The following PEAK1 variants were observed in gnomAD, a reference collection of about 807,000 sequenced individuals.
PEAK1 encodes the protein inactive tyrosine-protein kinase PEAK1.
A neutral mutation model predicts 124.7 loss-of-function variants in PEAK1; 54 were observed. The ratio of observed to expected loss-of-function variants is 0.43; its 90% confidence interval spans 0.35 to 0.54. The LOEUF (loss-of-function observed/expected upper bound fraction) is 0.54, where lower values mean the gene tolerates loss of function less well. Ranked by LOEUF, PEAK1 falls within the 20% of genes least tolerant of loss-of-function variation. The probability of loss-of-function intolerance (pLI) is 0.01; values close to 1 mark genes in which losing one functional copy is unlikely to be tolerated. For synonymous variants in PEAK1, 719 were observed against 760.0 expected (o/e 0.95, Z 0.89); for missense variants, 2,046 against 2,134.5 (o/e 0.96, Z 0.82).
downstream of PEAK1, chr15:77,105,365 T>TGC (rs1350496114): frequency 5.4e-5 from 8 of 147,172 alleles, no homozygotes; most frequent in African/African-American, 2.0e-4. Flanking sequence ...TGTGCGCGCG[T>TGC]GCGCGCACAT....
intron 2 of PEAK1, among the ~76,000 whole-genome samples, chr15:77,330,585 A>G (rs1235059590): frequency 6.6e-6 from 1 of 152,144 alleles, no homozygotes; most frequent in Non-Finnish European, 1.5e-5. Context: ...GTGCTGGTTA[A>G]GCTGACCTCC....
chr15:77,286,366 A>G, intron 3 of PEAK1, 57 bp downstream of exon 3: 1 of 955,528 alleles, frequency 1.0e-6, no homozygotes, highest in East Asian at 3.3e-5. Flanking sequence ...GGAGATTAAT[A>G]AAAGAGATTT....
At chr15:77,103,179 A>C (rs2050712182), downstream of PEAK1, 1 of 152,114 alleles carries the variant, frequency 6.6e-6, no homozygotes, top group Non-Finnish European at 1.5e-5. Context: ...TTGAGACAGG[A>C]TCTCACTTTG....
chr15:77,378,935 T>C (rs758960222), intron 1 of PEAK1, among the ~76,000 whole-genome samples: 1 of 152,190 alleles, frequency 6.6e-6, no homozygotes, highest in Non-Finnish European at 1.5e-5. Context: ...CCGAGGATTT[T>C]GCTCGCCACC....
At chr15:77,325,314 G>A (rs1175062331) in intron 2 of PEAK1, among the ~76,000 whole-genome samples, 1 of 152,090 alleles carries the variant, frequency 6.6e-6, no homozygotes, top group East Asian at 1.9e-4. Context: ...GGAGGCTGAG[G>A]TGGGAGGACA....
At chr15:77,276,707 T>C (rs1014091452) in intron 5 of PEAK1, among the ~76,000 whole-genome samples, 6 of 152,288 alleles carry the variant, frequency 3.9e-5, no homozygotes, top group East Asian at 1.9e-4. Flanking sequence ...CCTATTCCAC[T>C]TGAGTTCTCC....
At chr15:77,403,751 G>C (rs892941526) in intron 1 of PEAK1, 1 of 966,952 alleles carries the variant, frequency 1.0e-6, no homozygotes, top group African/African-American at 1.8e-5. Context: ...AAAATAAAGC[G>C]TAAGATGTTA....
intron 5 of PEAK1, among the ~76,000 whole-genome samples, chr15:77,258,108 C>T (rs563916997): frequency 6.6e-6 from 1 of 152,096 alleles, no homozygotes; most frequent in Non-Finnish European, 1.5e-5. Context: ...GGTAACAGTA[C>T]CATGCTGTTT....
chr15:77,258,567 C>T (rs981921855), intron 5 of PEAK1, among the ~76,000 whole-genome samples: 1 of 152,110 alleles, frequency 6.6e-6, no homozygotes, highest in African/African-American at 2.4e-5. Flanking sequence ...TGATTTTGTA[C>T]ATTGATTTTG....
At chr15:77,365,077 G>T in intron 2 of PEAK1, 86 bp downstream of exon 2, 1 of 328,952 alleles carries the variant, frequency 3.0e-6, no homozygotes, top group Non-Finnish European at 4.3e-6. Flanking sequence ...AAAGATATTT[G>T]ATATTGCCTT....
At chr15:77,198,236 T>C (rs1380153483) in intron 6 of PEAK1, among the ~76,000 whole-genome samples, 2 of 152,226 alleles carry the variant, frequency 1.3e-5, no homozygotes, top group Non-Finnish European at 2.9e-5. Flanking sequence ...ATGCTAATCA[T>C]CTCCACATGA....
Position 77,180,421 on chromosome 15 carries a change from G to T in PEAK1, c.1506C>A (p.Ser502=). ...PVNSPKTKSS[S]STPNSPVTSS... ...ATGTAACTGGAGAGTTTGGAGTAGA[G>T]GATGAGCTTTTTGTCTTGGGGCTGT... is the stretch of plus-strand genomic sequence containing the variant. The change falls in exon 7 of 10, where the codon TCC becomes TCA. Residue 502 remains serine (S), a synonymous_variant. Transcript: ENST00000682557. 6.2e-7 allele frequency: 1 copy of T among 1,614,176 alleles called. No homozygotes were observed. The highest frequency in any genetic ancestry group is 8.5e-7 in the Non-Finnish European group (1 of 1,180,022).
In PEAK1 at chr15:77,132,994, T is replaced by C; in HGVS notation, c.4077+11A>G. Reference sequence around the variant, plus strand: ...TTAAGACTTAACATGAGATTTATAATATTTTCTTACCTTGACTGCATAGTT... The same window carrying C: ...TTAAGACTTAACATGAGATTTATAACATTTTCTTACCTTGACTGCATAGTT... On this transcript the variant is annotated intron_variant, in intron 9 of 9. Transcript: ENST00000682557. 2 of 1,594,914 alleles carry C rather than the reference T, an allele frequency of 1.3e-6. No homozygotes were observed. Among genetic ancestry groups the C allele is most frequent in the Non-Finnish European group, 8.6e-7 (1 of 1,166,874 alleles).
chr15:77,122,241 T>C (rs2051986972), intron 9 of PEAK1, among the ~76,000 whole-genome samples: 1 of 152,220 alleles, frequency 6.6e-6, no homozygotes, highest in African/African-American at 2.4e-5. Context: ...CTTGAATTGC[T>C]GCAAAAATGT....
chr15:77,150,220 A>G (rs980216541), intron 8 of PEAK1, among the ~76,000 whole-genome samples: 1 of 152,170 alleles, frequency 6.6e-6, no homozygotes, highest in Non-Finnish European at 1.5e-5. Flanking sequence ...GGAAAACAGT[A>G]GGAGCCCTTC....
At chr15:77,400,892 C>T (rs1380972974) in intron 1 of PEAK1, among the ~76,000 whole-genome samples, 1 of 152,072 alleles carries the variant, frequency 6.6e-6, no homozygotes, top group East Asian at 1.9e-4. Flanking sequence ...TATTATTCGT[C>T]TATCACTTGC....
At chr15:77,168,002 C>T (rs1024420473) in intron 7 of PEAK1, among the ~76,000 whole-genome samples, 1 of 151,948 alleles carries the variant, frequency 6.6e-6, no homozygotes, top group Non-Finnish European at 1.5e-5. Context: ...GTTTTCTGTC[C>T]TTGTGACAGT....
At chr15:77,266,213 T>C (rs1295472580) in intron 5 of PEAK1, among the ~76,000 whole-genome samples, 3 of 152,006 alleles carry the variant, frequency 2.0e-5, no homozygotes, top group Admixed American at 2.0e-4. Flanking sequence ...GTAACTAACC[T>C]GCACATTGTG....
At chr15:77,304,193 T>A (rs576618237) in intron 2 of PEAK1, among the ~76,000 whole-genome samples, 1 of 152,274 alleles carries the variant, frequency 6.6e-6, no homozygotes, top group South Asian at 2.1e-4. Context: ...AGCTTTAGAA[T>A]CAGTTTGTTG....
Sources: gnomAD v4.1 joint callset for allele counts (sites outside exome capture counted in the v4.1 genomes callset) on GRCh38, gnomAD v4.1.1 for gene constraint, MANE v1.5 for transcripts, NCBI Gene and HGNC (gene_info 2026-07-23, HGNC 2026-07-21) for gene names.